Variants in SACS observed in about 807,000 individuals in gnomAD.
SACS encodes the protein sacsin molecular chaperone, also known as sacsin.
Under a neutral mutation model 348.0 loss-of-function variants are expected in SACS, and 197 were observed. The ratio of observed to expected loss-of-function variants is 0.57; its 90% CI spans 0.50 to 0.64. SACS has a LOEUF of 0.64. Among genes scored for constraint, SACS ranks in the 30% least tolerant of loss-of-function variants. SACS has a pLI of 0.00. For synonymous variants in SACS, 1,985 were observed against 1,910.6 expected (o/e 1.04, Z -1.02); for missense variants, 4,999 against 5,360.8 (o/e 0.93, Z 2.11).
intron 2 of SACS, among the ~76,000 whole-genome samples, chr13:23,380,762 C>G (rs186452567): frequency 2.3e-4 from 35 of 152,120 alleles, no homozygotes; most frequent in Admixed American, 7.2e-4. Flanking sequence ...AAGCTGAAAG[C>G]CTTTAATCAC....
chr13:23,413,890 G>A (rs1873598875), intron 1 of SACS, among the ~76,000 whole-genome samples: 5 of 152,140 alleles, frequency 3.3e-5, no homozygotes, highest in Admixed American at 3.3e-4. Flanking sequence ...ATTAGCAAGA[G>A]GATGGAAACC....
chr13:23,423,418 T>C (rs1874035453), intron 1 of SACS, among the ~76,000 whole-genome samples: 1 of 152,094 alleles, frequency 6.6e-6, no homozygotes, highest in African/African-American at 2.4e-5. Flanking sequence ...TACAACTATC[T>C]ATCACTAATA....
chr13:23,420,908 T>C (rs758083348), intron 1 of SACS, among the ~76,000 whole-genome samples: 2 of 152,012 alleles, frequency 1.3e-5, no homozygotes, highest in Non-Finnish European at 2.9e-5. Context: ...GACCTGGGTA[T>C]TTACCTGGGG....
chr13:23,373,966 T>A (rs940723011), intron 3 of SACS: 1 of 152,368 alleles, frequency 6.6e-6, no homozygotes, highest in Non-Finnish European at 1.5e-5. Context: ...AGGCCAGTCA[T>A]GCCCCTCCAC....
intron 7 of SACS, 140 bp downstream of exon 7, chr13:23,358,195 T>C: frequency 1.2e-6 from 1 of 852,774 alleles, no homozygotes; most frequent in Non-Finnish European, 1.9e-6. Flanking sequence ...GATATTTCAT[T>C]GACATACCTC....
At position 23,353,005 on chromosome 13, in the gene SACS, T is replaced by C. The variant is rs1048959042; in HGVS notation, c.2185+780A>G. Among the ~76,000 whole-genome samples, 4 of 147,762 alleles carry C rather than the reference T, an allele frequency of 2.7e-5. No homozygotes were observed. In the South Asian group the frequency reaches 6.2e-4, roughly 23 times the overall value. The stretch of plus-strand genomic sequence containing the variant: ...ATAAAAGACACATCACAGAGTATGC[T>C]TGACAATGTGAACAGCAGGACAAAC... On this transcript the variant is annotated intron_variant, in intron 9 of 9. Coordinates refer to ENST00000382292, the MANE Select transcript of SACS (RefSeq NM_014363.6).
intron 2 of SACS, among the ~76,000 whole-genome samples, chr13:23,391,380 T>C (rs1051471501): frequency 5.3e-5 from 8 of 152,188 alleles, no homozygotes; most frequent in African/African-American, 1.7e-4. Context: ...GTTGGCCTCT[T>C]TGGGCAACAG....
Position 23,411,502 on chromosome 13 carries a change from G to T in SACS, c.-263C>A, listed in dbSNP as rs899226864. ...CCTGCTGATCCAGCGACCCATGGAA[G>T]TTCTCAGGATAAAACAGTGTGGATT... On this transcript the variant is annotated 5_prime_UTR_variant, in exon 2 of 10. Coordinates refer to ENST00000382292, the MANE Select transcript of SACS (RefSeq NM_014363.6). The T allele has an allele frequency of 1.3e-5, 7 of 527,704 alleles. No homozygotes were observed. Among genetic ancestry groups the T allele is most frequent in the Non-Finnish European group, 2.3e-5 (7 of 299,270 alleles). The allele number at this position is 527,704 out of a possible 1,614,324, so 32.7% of individuals were successfully genotyped here.
rs1868881688 is a variant in SACS at position 23,338,544 on chromosome 13, G to A, written c.5332C>T (p.Gln1778Ter). 1 of 1,614,028 alleles carries A rather than the reference G, an allele frequency of 6.2e-7. No homozygotes were observed. Among genetic ancestry groups the A allele is most frequent in the Non-Finnish European group, 8.5e-7 (1 of 1,180,014 alleles). The change falls in exon 10 of 10, where the codon CAG (glutamine) becomes TAG (stop). Residue 1778 changes from glutamine to a stop codon, truncating the protein, a stop_gained. Transcript: ENST00000382292. LOFTEE classifies it high-confidence loss of function. ...TCTGGACCTCTAAAAAGTGGCGACT[G>A]TAAATCAGCAATCCTTCTGAACACA... ...HHVFRRIADL[Q>*]SPLFRGPDDD...
At chr13:23,394,809 C>T (rs377345159) in intron 2 of SACS, among the ~76,000 whole-genome samples, 7 of 152,288 alleles carry the variant, frequency 4.6e-5, no homozygotes, top group East Asian at 3.9e-4. Flanking sequence ...GAATCGAGAT[C>T]GCGCACCTGC....
In SACS at chr13:23,332,993, A is replaced by C; in HGVS notation, c.10883T>G (p.Leu3628Arg). The C allele has an allele frequency of 6.2e-7, 1 of 1,613,952 alleles. No individual in the cohort carries two copies. ...TCGTTCTTGGAATATATGATGCAGA[A>C]GGATATCAACTGTATTTTGCAATGT... ...KETLQNTVDILLHHIFQERMD... is the reference protein window; with the variant it reads ...KETLQNTVDIRLHHIFQERMD... Residue 3628 changes from leucine (L) to arginine (R), a missense_variant, in exon 10 of 10, where the codon CTT becomes CGT. Physicochemically the swap from Leu to Arg is moderately radical, Grantham distance 102. Transcript: ENST00000382292.
chr13:23,355,072 T>G lies in SACS; in HGVS notation c.1540A>C (p.Lys514Gln). 1 of 1,614,210 alleles carries G rather than the reference T, an allele frequency of 6.2e-7. No individual in the cohort carries two copies. Among genetic ancestry groups the G allele is most frequent in the South Asian group, 1.1e-5 (1 of 91,086 alleles). The part of the protein sequence containing the change: ...AYATLILDSI[K>Q]RLEMEKSSDF... ...GAGCTCTTTTCCATCTCCAGACGTT[T>G]TATTGAATCTAAGATCAGAGTAGCA... The change falls in exon 8 of 10, where the codon AAA becomes CAA. Residue 514 changes from lysine (K) to glutamine (Q), a missense_variant. Lys to Gln is a moderately conservative substitution (Grantham distance 53). This residue lies in a region of SACS where 3,156 missense variants were observed against 3,380.1 expected (regional missense o/e 0.93). Coordinates refer to ENST00000382292, the MANE Select transcript of SACS (RefSeq NM_014363.6).
At position 23,329,955 on chromosome 13, in the gene SACS, T is replaced by A. The variant is rs545132931; in HGVS notation, c.*181A>T. The A allele has an allele frequency of 1.0e-4, 63 of 627,564 alleles. No individual in the cohort carries two copies. In the South Asian group the frequency reaches 1.1e-3, roughly 11 times the overall value. 38.9% of individuals were successfully genotyped at this position (627,564 alleles called of 1,614,324 possible). ...ACCACCATCTTCAAAATAGTTTTCT[T>A]TTAGATTCAGTTAAGGTTTTCCGTT... On this transcript the variant is annotated 3_prime_UTR_variant, in exon 10 of 10. Transcript: ENST00000382292.
chr13:23,335,895 T>C lies in SACS; in HGVS notation c.7981A>G (p.Ile2661Val), dbSNP rs1269342975. The C allele has an allele frequency of 6.2e-7, 1 of 1,613,480 alleles. No homozygotes were observed. The highest frequency in any genetic ancestry group is 8.5e-7 in the Non-Finnish European group (1 of 1,179,612). The change falls in exon 10 of 10, where the codon ATT (isoleucine) becomes GTT (valine). Residue 2661 changes from isoleucine to valine, a missense_variant. Coordinates refer to ENST00000382292, the MANE Select transcript of SACS (RefSeq NM_014363.6). The surrounding 1 kb of genome is among the most constrained non-coding windows in gnomAD (Gnocchi z 4.7). Reference protein sequence around the residue: ...HARYAPGATSISPGRMFRDLD... With the variant: ...HARYAPGATSVSPGRMFRDLD... The stretch of plus-strand genomic sequence containing the variant: ...TCTCTAAACATGCGTCCGGGACTAA[T>C]GGATGTGGCCCCTGGTGCATATCTG...
At position 23,331,241 on chromosome 13, in the gene SACS, C is replaced by G; in HGVS notation, c.12635G>C (p.Arg4212Thr). ...AAAACTAGAATTGTCAGCATCTTCT[C>G]TTTCAACTTCTTGTACAATAATTGC... ...TYAIIVQEVE[R>T]EDADNSSFLG... The change falls in exon 10 of 10, where the codon AGA becomes ACA. Residue 4212 changes from arginine to threonine, a missense_variant. Physicochemically the swap from Arg to Thr is moderately conservative, Grantham distance 71. This residue lies in a region of SACS where 831 missense variants were observed against 941.8 expected (regional missense o/e 0.88). Coordinates refer to ENST00000382292, the MANE Select transcript of SACS (RefSeq NM_014363.6). 1 of 1,613,906 alleles carries G rather than the reference C, an allele frequency of 6.2e-7. No individual in the cohort carries two copies.
intron 2 of SACS, among the ~76,000 whole-genome samples, chr13:23,399,590 T>C (rs1255249636): frequency 1.3e-5 from 2 of 152,104 alleles, no homozygotes; most frequent in African/African-American, 2.4e-5. Context: ...TACTCCAGCC[T>C]ATGGGGATAG....
chr13:23,341,600 T>C lies in SACS; in HGVS notation c.2276A>G (p.Glu759Gly), dbSNP rs1370149669. ...AAATGGATACCATTGAACAATCAATTCTCTGCCAGGCCAGAATGTATTCAT... is the reference window on the plus strand; with the variant it reads ...AAATGGATACCATTGAACAATCAATCCTCTGCCAGGCCAGAATGTATTCAT... ...EVMNTFWPGR[E>G]LIVQWYPFDE... The change falls in exon 10 of 10, where the codon GAA (glutamate) becomes GGA (glycine). Residue 759 changes from glutamate to glycine, a missense_variant. Physicochemically the swap from Glu to Gly is moderately conservative, Grantham distance 98 (BLOSUM62 -2). Around this residue, in one of 6 missense-constraint regions of SACS, gnomAD observed 3,156 missense variants for 3,380.1 expected, o/e 0.93. Transcript: ENST00000382292. 4.3e-6 allele frequency: 7 copies of C among 1,613,812 alleles called. No individual in the cohort carries two copies. Among genetic ancestry groups the C allele is most frequent in the Non-Finnish European group, 5.9e-6 (7 of 1,179,998 alleles).
chr13:23,354,088 A>T (rs2137712714), intron 8 of SACS, among the ~76,000 whole-genome samples: 1 of 152,366 alleles, frequency 6.6e-6, no homozygotes, highest in East Asian at 1.9e-4. Context: ...ACTCAAATTC[A>T]GAAATATTCT....
rs1240368715 is a variant in SACS at position 23,335,499 on chromosome 13, G to A, written c.8377C>T (p.Gln2793Ter). ...TGTTGAACTGGTATGTCTTTGAGCTGCCTCTTTTTAGTAACACTATCAATT... is the reference window on the plus strand; with the variant it reads ...TGTTGAACTGGTATGTCTTTGAGCTACCTCTTTTTAGTAACACTATCAATT... ...SVIDSVTKKR[Q>*]LKDIPVQQIT... Residue 2793 changes from glutamine (Q) to a stop codon, truncating the protein, a stop_gained, in exon 10 of 10, where the codon CAG (glutamine) becomes TAG (stop). Coordinates refer to ENST00000382292, the MANE Select transcript of SACS (RefSeq NM_014363.6). LOFTEE classifies it high-confidence loss of function. The surrounding 1 kb of genome is among the most constrained non-coding windows in gnomAD (Gnocchi z 4.7). 6.2e-7 allele frequency: 1 copy of A among 1,613,632 alleles called. No individual in the cohort carries two copies. Among genetic ancestry groups the A allele is most frequent in the Non-Finnish European group, 8.5e-7 (1 of 1,179,886 alleles).
Sources: gnomAD v4.1 joint callset for allele counts (sites outside exome capture counted in the v4.1 genomes callset) on GRCh38, gnomAD v4.1.1 for gene constraint, gnomAD v4.1.1 regional missense constraint, Gnocchi (gnomAD v3.1) non-coding constraint, MANE v1.5 for transcripts, NCBI Gene and HGNC (gene_info 2026-07-23, HGNC 2026-07-21) for gene names.